Variants in ZRANB3 observed in about 807,000 individuals in gnomAD.
ZRANB3 encodes the protein zinc finger RANBP2-type containing 3.
Under a neutral mutation model 133.8 loss-of-function variants are expected in ZRANB3, and 125 were observed. That is an observed-to-expected ratio of 0.93 (90% CI 0.81 to 1.08). The LOEUF (loss-of-function observed/expected upper bound fraction) is 1.08, where lower values mean the gene tolerates loss of function less well. Among genes scored for constraint, ZRANB3 ranks in the 50% least tolerant of loss-of-function variants. ZRANB3 has a pLI of 0.00. For synonymous variants in ZRANB3, 387 were observed against 432.7 expected (o/e 0.89, Z 1.31); for missense variants, 1,229 against 1,275.5 (o/e 0.96, Z 0.56).
intron 5 of ZRANB3, among the ~76,000 whole-genome samples, chr2:135,348,297 T>TA (rs1428904286): frequency 1.3e-5 from 2 of 151,174 alleles, no homozygotes; most frequent in African/African-American, 4.9e-5. Context: ...AAGAAAAAAT[T>TA]AGAGAACTCA....
At chr2:135,332,384 A>T (rs1405158704) in intron 6 of ZRANB3, among the ~76,000 whole-genome samples, 2 of 152,078 alleles carry the variant, frequency 1.3e-5, no homozygotes, top group Non-Finnish European at 2.9e-5. Context: ...CTCGTTTTCA[A>T]ATTCCTGTAG....
At chr2:135,464,644 A>G (rs932095705) in intron 2 of ZRANB3, among the ~76,000 whole-genome samples, 1 of 152,200 alleles carries the variant, frequency 6.6e-6, no homozygotes, top group African/African-American at 2.4e-5. Context: ...AAGCTGCCAC[A>G]TCGGTATCTG....
chr2:135,379,410 T>A (rs1686584171), intron 3 of ZRANB3, among the ~76,000 whole-genome samples: 2 of 152,196 alleles, frequency 1.3e-5, no homozygotes, highest in Admixed American at 1.3e-4. Context: ...GAAAGTCTGG[T>A]ACCTGGGGAC....
At chr2:135,252,818 C>T (rs1264471727) in intron 12 of ZRANB3, among the ~76,000 whole-genome samples, 2 of 152,212 alleles carry the variant, frequency 1.3e-5, no homozygotes, top group Admixed American at 1.3e-4. Flanking sequence ...CTCTCCTTAT[C>T]TACCTGCATG....
chr2:135,528,125 C>CTTAATTTAATTTAATTAAATTAATTTAA (rs1318013604), intron 1 of ZRANB3, among the ~76,000 whole-genome samples: 3 of 151,794 alleles, frequency 2.0e-5, no homozygotes, highest in Non-Finnish European at 4.4e-5. Flanking sequence ...TAATAGGGGC[C>CTTAATTTAATTTAATTAAATTAATTTAA]TCAGACCTTA....
chr2:135,286,102 G>T (rs1681350802), intron 8 of ZRANB3, among the ~76,000 whole-genome samples: 1 of 151,882 alleles, frequency 6.6e-6, no homozygotes, highest in African/African-American at 2.4e-5. Flanking sequence ...GTTTTTGGGG[G>T]AACAGGTGGT....
chr2:135,281,884 A>G (rs990564334), intron 8 of ZRANB3, among the ~76,000 whole-genome samples: 2 of 152,198 alleles, frequency 1.3e-5, no homozygotes, highest in African/African-American at 4.8e-5. Flanking sequence ...TTTCAGCTCT[A>G]GGTAAACATT....
chr2:135,220,570 C>A (rs562486951), intron 15 of ZRANB3, among the ~76,000 whole-genome samples: 11 of 151,432 alleles, frequency 7.3e-5, no homozygotes, highest in African/African-American at 2.7e-4. Context: ...TGGTGGCGTG[C>A]ACCTGTAATC....
At position 135,356,673 on chromosome 2, in the gene ZRANB3, T is replaced by G. The variant is rs192100236; in HGVS notation, c.181-3045A>C. On this transcript the variant is annotated intron_variant, in intron 3 of 20. Coordinates refer to ENST00000264159, the MANE Select transcript of ZRANB3 (RefSeq NM_032143.4). Reference sequence around the variant, plus strand: ...TAAAATGTCCATTAGAATCTGTTTTTGTTGTTGTTTTTGTTCTAACATGTT... The same window carrying G: ...TAAAATGTCCATTAGAATCTGTTTTGGTTGTTGTTTTTGTTCTAACATGTT... 3.5e-4 allele frequency among the ~76,000 whole-genome samples: 54 copies of G among 152,340 alleles called. 1 individual carries two copies. In the East Asian group the frequency reaches 9.4e-3, roughly 27 times the overall value.
At chr2:135,424,657 T>C (rs1302630707) in intron 2 of ZRANB3, among the ~76,000 whole-genome samples, 1 of 152,168 alleles carries the variant, frequency 6.6e-6, no homozygotes, top group East Asian at 1.9e-4. Context: ...CACTTGAAAC[T>C]GGGATGCAGA....
rs974554767 is a variant in ZRANB3, at chr2:135,312,118, T to A, written c.966+1371A>T. Among the ~76,000 whole-genome samples the A allele has an allele frequency of 3.4e-5, 5 of 145,970 alleles. No homozygotes were observed. The Admixed American group carries it at 3.5e-4, about 10-fold the overall frequency. The stretch of plus-strand genomic sequence containing the variant: ...CATCCAACCATACATTGTATTTATT[T>A]TTTTATTTTATTTTATTATTTTATT... On this transcript the variant is annotated intron_variant, in intron 8 of 20. Coordinates refer to ENST00000264159, the MANE Select transcript of ZRANB3 (RefSeq NM_032143.4).
chr2:135,427,076 G>A (rs1689127894), intron 2 of ZRANB3, among the ~76,000 whole-genome samples: 1 of 150,444 alleles, frequency 6.6e-6, no homozygotes, highest in Admixed American at 6.6e-5. Context: ...AAAATAATAA[G>A]AGCCATCTAC....
intron 12 of ZRANB3, among the ~76,000 whole-genome samples, chr2:135,250,509 A>G (rs1486899071): frequency 6.6e-6 from 1 of 152,216 alleles, no homozygotes; most frequent in Non-Finnish European, 1.5e-5. Flanking sequence ...CCCTCCCGTC[A>G]CAGGCCAGGA....
At chr2:135,205,684 T>C (rs1693826724) in intron 19 of ZRANB3, among the ~76,000 whole-genome samples, 1 of 152,206 alleles carries the variant, frequency 6.6e-6, no homozygotes, top group African/African-American at 2.4e-5. Context: ...ATAGCAAGAT[T>C]AGAAATCCAG....
chr2:135,279,025 A>G (rs528978994), intron 8 of ZRANB3, among the ~76,000 whole-genome samples: 1 of 152,250 alleles, frequency 6.6e-6, no homozygotes, highest in South Asian at 2.1e-4. Context: ...CAAAGCAAAT[A>G]GTAATACAAA....
chr2:135,222,963 A>G (rs1198179281), intron 15 of ZRANB3, among the ~76,000 whole-genome samples: 1 of 152,020 alleles, frequency 6.6e-6, no homozygotes, highest in East Asian at 1.9e-4. Context: ...CAAACAAACA[A>G]ACAAAAAACG....
chr2:135,327,528 T>C (rs1209715696), intron 6 of ZRANB3, among the ~76,000 whole-genome samples: 2 of 152,176 alleles, frequency 1.3e-5, no homozygotes, highest in African/African-American at 2.4e-5. Flanking sequence ...TATTAATTTA[T>C]TTAGTCCATT....
Position 135,500,493 on chromosome 2 carries a change from T to A in ZRANB3, c.161+3836A>T, listed in dbSNP as rs111647214. 1.0e-3 allele frequency among the ~76,000 whole-genome samples: 156 copies of A among 152,172 alleles called. 1 individual carries two copies. The highest frequency in any genetic ancestry group is 3.6e-3 in the African/African-American group (151 of 41,530). ...AAAACATAGATTGAACTCACAATAA[T>A]GTTGAGAAAAACAAGATACAAAAGA... On this transcript the variant is annotated intron_variant, in intron 2 of 20. Transcript: ENST00000264159.
chr2:135,300,192 T>C (rs1013038992), intron 8 of ZRANB3, among the ~76,000 whole-genome samples: 13 of 152,244 alleles, frequency 8.5e-5, no homozygotes, highest in South Asian at 4.1e-4. Context: ...TATGGAATTA[T>C]AGCCTTTGAA....
Sources: gnomAD v4.1 joint callset for allele counts (sites outside exome capture counted in the v4.1 genomes callset) on GRCh38, gnomAD v4.1.1 for gene constraint, MANE v1.5 for transcripts, NCBI Gene and HGNC (gene_info 2026-07-23, HGNC 2026-07-21) for gene names.